The following CHCHD3 variants were observed in gnomAD, a reference collection of about 807,000 sequenced individuals.
The protein encoded by CHCHD3 is coiled-coil-helix-coiled-coil-helix domain containing 3, also known as MICOS complex subunit MIC19.
A neutral mutation model predicts 38.2 loss-of-function variants in CHCHD3; 20 were observed. That is an observed-to-expected ratio of 0.52 (90% CI 0.37 to 0.76). CHCHD3 has a LOEUF of 0.76. Among genes scored for constraint, CHCHD3 ranks in the 30% least tolerant of loss-of-function variants. The probability of loss-of-function intolerance (pLI) is 0.00; values close to 1 mark genes in which losing one functional copy is unlikely to be tolerated. For synonymous variants in CHCHD3, 82 were observed against 100.0 expected, an observed-to-expected ratio of 0.82 and a Z score of 1.07; for missense variants, 245 against 279.2, an observed-to-expected ratio of 0.88 and a Z score of 0.87.
intron 6 of CHCHD3, among the ~76,000 whole-genome samples, chr7:132,812,048 T>C (rs1448492729): frequency 1.3e-5 from 2 of 152,076 alleles, no homozygotes; most frequent in African/African-American, 4.8e-5. Flanking sequence ...TTATTTTTTT[T>C]CTTCCCCATC....
chr7:132,892,519 C>T (rs1276450734), intron 4 of CHCHD3, among the ~76,000 whole-genome samples: 1 of 152,194 alleles, frequency 6.6e-6, no homozygotes, highest in African/African-American at 2.4e-5. Context: ...TTCAAGCCAG[C>T]TGCAAAGATT....
At chr7:132,922,148 G>A (rs191254114) in intron 4 of CHCHD3, among the ~76,000 whole-genome samples, 7 of 152,278 alleles carry the variant, frequency 4.6e-5, no homozygotes, top group South Asian at 2.1e-4. Context: ...GAGGTAGGAC[G>A]TGGAAAAGGA....
chr7:133,010,776 G>A (rs1027783632), intron 3 of CHCHD3, among the ~76,000 whole-genome samples: 31 of 151,926 alleles, frequency 2.0e-4, no homozygotes, highest in African/African-American at 6.5e-4. Flanking sequence ...ATAGGGTTTC[G>A]TCATGTTGGC....
At chr7:132,854,328 C>T (rs1808293570) in intron 5 of CHCHD3, among the ~76,000 whole-genome samples, 2 of 152,222 alleles carry the variant, frequency 1.3e-5, no homozygotes, top group South Asian at 4.1e-4. Flanking sequence ...GCTGCTTAGA[C>T]TTTGGTTTGT....
At chr7:132,801,913 G>A (rs1806803645) in intron 6 of CHCHD3, among the ~76,000 whole-genome samples, 1 of 152,190 alleles carries the variant, frequency 6.6e-6, no homozygotes, top group Admixed American at 6.5e-5. Flanking sequence ...GTGACCTGGA[G>A]GGCAGGAGGG....
intron 7 of CHCHD3, among the ~76,000 whole-genome samples, chr7:132,796,197 A>AT (rs1351032847): frequency 2.0e-5 from 3 of 152,232 alleles, no homozygotes; most frequent in African/African-American, 4.8e-5. Flanking sequence ...GGAAAAAAGT[A>AT]TAATTGTAGT....
intron 5 of CHCHD3, among the ~76,000 whole-genome samples, chr7:132,876,138 A>T (rs919991232): frequency 6.6e-6 from 1 of 152,200 alleles, no homozygotes; most frequent in African/African-American, 2.4e-5. Flanking sequence ...GAAAATACGC[A>T]TTGGCTGGTC....
At chr7:132,898,393 T>C (rs1809563730) in intron 4 of CHCHD3, among the ~76,000 whole-genome samples, 1 of 152,134 alleles carries the variant, frequency 6.6e-6, no homozygotes, top group Non-Finnish European at 1.5e-5. Context: ...CCCCATCAGA[T>C]TAGCTAGATA....
At chr7:133,074,840 T>C (rs1205115724) in intron 1 of CHCHD3, among the ~76,000 whole-genome samples, 3 of 152,340 alleles carry the variant, frequency 2.0e-5, no homozygotes, top group Non-Finnish European at 4.4e-5. Context: ...CCAGAGATTC[T>C]GTGGAGGGAT....
At chr7:133,073,976 C>T (rs1333594786) in intron 1 of CHCHD3, among the ~76,000 whole-genome samples, 4 of 152,278 alleles carry the variant, frequency 2.6e-5, no homozygotes, top group Admixed American at 6.5e-5. Flanking sequence ...CCTTTCAAGA[C>T]GCAGTCTAAA....
chr7:132,871,704 C>T (rs1362069175), intron 5 of CHCHD3, among the ~76,000 whole-genome samples: 4 of 152,100 alleles, frequency 2.6e-5, no homozygotes, highest in African/African-American at 9.7e-5. Flanking sequence ...TAGGAAGTAG[C>T]AAGCAAGGAG....
intron 4 of CHCHD3, among the ~76,000 whole-genome samples, chr7:132,925,516 C>A (rs879730735): frequency 2.6e-5 from 4 of 152,166 alleles, no homozygotes; most frequent in Admixed American, 6.5e-5. Context: ...TTTATTTACA[C>A]GGGACACGGG....
Position 132,981,163 on chromosome 7 carries a change from G to GT in CHCHD3, c.252-5878dup, listed in dbSNP as rs372506290. Among the ~76,000 whole-genome samples the GT allele has an allele frequency of 5.6e-3, 797 of 142,892 alleles. 2 individuals are homozygous for GT. The highest frequency in any genetic ancestry group is 0.012 in the African/African-American group (477 of 39,000). 93.7% of individuals were successfully genotyped at this position (142,892 alleles called of 152,430 possible). A position where few individuals can be genotyped will look rare whatever the true frequency, so the allele number is the denominator to read the frequency against. ...ACCAAGCCTGGCTGATTTTTGGGTT[G>GT]TTTTTTTTTTTGTGGAGACGAGGTT... is the stretch of plus-strand genomic sequence containing the variant. On this transcript the variant is annotated intron_variant, in intron 3 of 7. Transcript: ENST00000262570.
intron 6 of CHCHD3, among the ~76,000 whole-genome samples, chr7:132,836,744 G>A (rs1351156385): frequency 6.6e-6 from 1 of 152,064 alleles, no homozygotes; most frequent in Non-Finnish European, 1.5e-5. Flanking sequence ...CAAAATGCTG[G>A]GATTACAGGT....
rs78326368 is a variant in CHCHD3, at chr7:132,884,517, G to A, written c.453+1145C>T. ...GAGAAAATGCTCCCTACATTCAAGA[G>A]GTACTCAGTTCGGTAACATATGGAG... On this transcript the variant is annotated intron_variant, in intron 5 of 7. Transcript: ENST00000262570. 2.0e-3 allele frequency among the ~76,000 whole-genome samples: 302 copies of A among 152,198 alleles called. 3 individuals carry two copies. Among genetic ancestry groups the A allele is most frequent in the African/African-American group, 7.1e-3 (295 of 41,534 alleles).
chr7:132,992,536 T>C (rs1812310525), intron 3 of CHCHD3, among the ~76,000 whole-genome samples: 2 of 152,218 alleles, frequency 1.3e-5, no homozygotes, highest in African/African-American at 4.8e-5. Flanking sequence ...ATTAGCCACA[T>C]GCGGCTACTG....
intron 1 of CHCHD3, among the ~76,000 whole-genome samples, chr7:133,076,205 A>C (rs965787788): frequency 2.6e-4 from 39 of 152,136 alleles, no homozygotes; most frequent in Non-Finnish European, 2.9e-5. Context: ...ATCTGCATCA[A>C]GGCAAATACC....
intron 6 of CHCHD3, among the ~76,000 whole-genome samples, chr7:132,836,119 ATT>A (rs148748759): frequency 6.8e-6 from 1 of 147,062 alleles, no homozygotes; most frequent in Non-Finnish European, 1.5e-5. Flanking sequence ...CATGTGTCTG[ATT>A]TTTTTTTTTT....
At chr7:132,856,350 C>T (rs1357685386) in intron 5 of CHCHD3, among the ~76,000 whole-genome samples, 2 of 152,234 alleles carry the variant, frequency 1.3e-5, no homozygotes, top group Non-Finnish European at 2.9e-5. Flanking sequence ...ATTCACTCTA[C>T]ACAAAAGAGG....
Sources: allele counts gnomAD v4.1 joint callset (sites outside exome capture counted in the v4.1 genomes callset), GRCh38; gene constraint gnomAD v4.1.1; transcripts MANE v1.5; gene names NCBI Gene and HGNC (gene_info 2026-07-23, HGNC 2026-07-21).